The following KCNAB2 variants were observed in gnomAD, a reference collection of about 807,000 sequenced individuals.
KCNAB2 encodes the protein potassium voltage-gated channel subfamily A regulatory beta subunit 2, also known as voltage-gated potassium channel subunit beta-2.
In KCNAB2, 29 loss-of-function variants were observed where a neutral mutation model predicts 63.6. The observed-to-expected ratio is 0.46, with a 90% CI of 0.34 to 0.62. The LOEUF (loss-of-function observed/expected upper bound fraction) is 0.62, where lower values mean the gene tolerates loss of function less well. Ranked by LOEUF, KCNAB2 falls within the 20% of genes least tolerant of loss-of-function variation. The probability of loss-of-function intolerance (pLI) is 0.01; values close to 1 mark genes in which losing one functional copy is unlikely to be tolerated. For missense variants in KCNAB2, 359 were observed against 563.9 expected (o/e 0.64, Z 3.68); for synonymous variants, 222 against 224.2 (o/e 0.99, Z 0.09).
chr1:6,008,719 G>A (rs1282983045), intron 1 of KCNAB2, among the ~76,000 whole-genome samples: 1 of 152,102 alleles, frequency 6.6e-6, no homozygotes, highest in African/African-American at 2.4e-5. Context: ...ACAAGGCTGT[G>A]ATCAGGGAAG....
In KCNAB2 at chr1:6,100,223, G is replaced by A. The variant is rs1051684598; in HGVS notation, c.*1649G>A. The A allele has an allele frequency of 1.2e-6, 1 of 823,278 alleles. No homozygotes were observed. Among genetic ancestry groups the A allele is most frequent in the Non-Finnish European group, 1.7e-6 (1 of 574,228 alleles). The allele number at this position is 823,278 out of a possible 1,614,324, so 51.0% of individuals were successfully genotyped here. On this transcript the variant is annotated 3_prime_UTR_variant, in exon 16 of 16. Coordinates refer to ENST00000378083, the MANE Select transcript of KCNAB2 (RefSeq NM_001199862.2). ...CCAGCGGGGAGAGGCTGGGGCGAGGGGAGGAGGGGGATCAGCTTCTGCTAT... is the reference window on the plus strand; with the variant it reads ...CCAGCGGGGAGAGGCTGGGGCGAGGAGAGGAGGGGGATCAGCTTCTGCTAT...
chr1:6,027,294 C>T, intron 1 of KCNAB2: 2 of 144,742 alleles, frequency 1.4e-5, no homozygotes, highest in Non-Finnish European at 3.0e-5. Flanking sequence ...AGGGAGGAGG[C>T]CGGGGGCCTG....
At chr1:6,041,887 T>TTC, upstream of KCNAB2, 5 of 1,613,406 alleles carry the variant, frequency 3.1e-6, no homozygotes, top group Non-Finnish European at 3.4e-6. Flanking sequence ...TGAGTCTTCA[T>TTC]TCTCCCTAAA....
In KCNAB2 at chr1:6,097,300, C is replaced by T. The variant is rs369792039; in HGVS notation, c.1101C>T (p.Ser367=). 1.2e-5 allele frequency: 18 copies of T among 1,551,436 alleles called. No homozygotes were observed. The African/African-American group carries it at 1.5e-4, about 13-fold the overall frequency. Residue 367 remains serine (S), a synonymous_variant, in exon 15 of 16, where the codon TCC becomes TCT. Transcript: ENST00000378083. The stretch of plus-strand genomic sequence containing the variant: ...GCCTGAGGAATGAGGGAGTCAGCTC[C>T]GTGCTCCTGGGGGCCTCCAATGCGG... ...AWCLRNEGVS[S]VLLGASNADQ...
chr1:6,044,067 T>TA (rs879282083), upstream of KCNAB2, among the ~76,000 whole-genome samples: 2 of 152,302 alleles, frequency 1.3e-5, no homozygotes, highest in Non-Finnish European at 2.9e-5. Flanking sequence ...CAGGGTCTCT[T>TA]ACGGCCTATG....
chr1:6,049,707 T>C lies in KCNAB2; in HGVS notation c.-26-1804T>C, dbSNP rs151020479. ...GGGGCTCCTTGCCTGCTGGTCTCTC[T>C]TTAGCTCTTCTCTGAGCCCACCTTC... On this transcript the variant is annotated intron_variant, in intron 1 of 15. Transcript: ENST00000378083. Among the ~76,000 whole-genome samples, 1,096 of 152,354 alleles carry C rather than the reference T, an allele frequency of 7.2e-3. 9 individuals carry two copies. Among genetic ancestry groups the C allele is most frequent in the Middle Eastern group, 0.017 (5 of 294 alleles).
intron 2 of KCNAB2, among the ~76,000 whole-genome samples, chr1:6,040,828 G>A (rs1418998136): frequency 6.6e-6 from 1 of 152,252 alleles, no homozygotes; most frequent in African/African-American, 2.4e-5. Context: ...AAGGAGCAGG[G>A]GCTTTAAAAA....
intron 1 of KCNAB2, chr1:6,007,700 A>T (rs1657903103): frequency 6.6e-6 from 1 of 152,262 alleles, no homozygotes; most frequent in South Asian, 2.1e-4. Flanking sequence ...TTTACTGTGG[A>T]TGCTTGGAAA....
At chr1:6,065,257 A>G (rs1340073352) in intron 2 of KCNAB2, among the ~76,000 whole-genome samples, 1 of 152,246 alleles carries the variant, frequency 6.6e-6, no homozygotes, top group Non-Finnish European at 1.5e-5. Flanking sequence ...GCGCCTGCCC[A>G]GGCCTCAGGC....
Position 6,100,297 on chromosome 1 carries a change from C to T in KCNAB2, c.*1723C>T. 2.4e-6 allele frequency: 1 copy of T among 409,886 alleles called. No homozygotes were observed. Among genetic ancestry groups the T allele is most frequent in the Non-Finnish European group, 4.3e-6 (1 of 235,064 alleles). The allele number at this position is 409,886 out of a possible 1,614,324, so 25.4% of individuals were successfully genotyped here. A position where few individuals can be genotyped will look rare whatever the true frequency, so the allele number is the denominator to read the frequency against. On this transcript the variant is annotated 3_prime_UTR_variant, in exon 16 of 16. Coordinates refer to ENST00000378083, the MANE Select transcript of KCNAB2 (RefSeq NM_001199862.2). Reference sequence around the variant, plus strand: ...CCTGGCGCCTAGAACCCTTGCCCCTCCTCATAGACCAAGTCCCGGGGGTCT... The same window carrying T: ...CCTGGCGCCTAGAACCCTTGCCCCTTCTCATAGACCAAGTCCCGGGGGTCT...
chr1:6,100,673 GC>G lies in KCNAB2; in HGVS notation c.*2103del, dbSNP rs1233733988. ...GGTTTGCCAAACACAGAGAGGCCAG[GC>G]CCCAGTGTCAGGATGCAGTCAGCCT... On this transcript the variant is annotated 3_prime_UTR_variant, in exon 16 of 16. Transcript: ENST00000378083. 6.6e-6 allele frequency: 1 copy of G among 152,322 alleles called. No homozygotes were observed. The highest frequency in any genetic ancestry group is 2.4e-5 in the African/African-American group (1 of 41,462). 9.4% of individuals were successfully genotyped at this position (152,322 alleles called of 1,614,324 possible).
Position 6,024,392 on chromosome 1 carries a change from C to T in KCNAB2, c.-52-16125C>T, listed in dbSNP as rs951246281. On this transcript the variant is annotated intron_variant, in intron 1 of 16. Transcript: ENST00000341524. The surrounding 1 kb of genome is among the most constrained non-coding windows in gnomAD (Gnocchi z 5.4). ...AGCCACCGCACCCAGCCAGTAGTGT[C>T]TTTTAAATGAAGTATCTCTAATTTT... is the stretch of plus-strand genomic sequence containing the variant. 3.9e-5 allele frequency among the ~76,000 whole-genome samples: 6 copies of T among 152,158 alleles called. No individual in the cohort carries two copies. Among genetic ancestry groups the T allele is most frequent in the Non-Finnish European group, 1.5e-5 (1 of 68,036 alleles).
At chr1:6,047,594 G>A (rs1661035678) in intron 1 of KCNAB2, among the ~76,000 whole-genome samples, 1 of 152,164 alleles carries the variant, frequency 6.6e-6, no homozygotes, top group African/African-American at 2.4e-5. Flanking sequence ...CCCACCAACA[G>A]CTGCCTGGCA....
intron 2 of KCNAB2, among the ~76,000 whole-genome samples, chr1:6,056,572 G>A (rs1661847109): frequency 6.6e-6 from 1 of 152,146 alleles, no homozygotes; most frequent in African/African-American, 2.4e-5. Context: ...CTGGACACCA[G>A]CCCTCAGTTC....
intron 5 of KCNAB2, among the ~76,000 whole-genome samples, chr1:6,082,499 G>A (rs1475769802): frequency 6.6e-6 from 1 of 152,140 alleles, no homozygotes; most frequent in African/African-American, 2.4e-5. Context: ...GGAGCCACCA[G>A]GGGGACCACA....
At chr1:6,032,733 C>A (rs113263910), upstream of KCNAB2, among the ~76,000 whole-genome samples, 3 of 152,318 alleles carry the variant, frequency 2.0e-5, no homozygotes, top group African/African-American at 7.2e-5. Context: ...CCTCGATGGG[C>A]AAACTTGCTT....
Position 6,099,910 on chromosome 1 carries a change from T to G in KCNAB2, c.*1336T>G, listed in dbSNP as rs959776906. ...CAAGGGATGCCAGTAAGTCTGCAGG[T>G]GCGGGGTGCCACCTACAGGCCCAGG... On this transcript the variant is annotated 3_prime_UTR_variant, in exon 16 of 16. Coordinates refer to ENST00000378083, the MANE Select transcript of KCNAB2 (RefSeq NM_001199862.2). 12 of 1,550,216 alleles carry G rather than the reference T, an allele frequency of 7.7e-6. No homozygotes were observed. Among genetic ancestry groups the G allele is most frequent in the Non-Finnish European group, 1.0e-5 (12 of 1,146,882 alleles).
At chr1:6,097,423 C>T (rs1665740439) in intron 15 of KCNAB2, 66 bp downstream of exon 15, 5 of 1,547,044 alleles carry the variant, frequency 3.2e-6, no homozygotes, top group Non-Finnish European at 4.4e-6. Flanking sequence ...AGTGCATCCT[C>T]CCAGGCTCGT....
chr1:6,067,559 G>T (rs1662859915), intron 2 of KCNAB2, among the ~76,000 whole-genome samples: 1 of 152,134 alleles, frequency 6.6e-6, no homozygotes, highest in Non-Finnish European at 1.5e-5. Flanking sequence ...GATGACTCTG[G>T]GGGTCCTGCA....
Sources: gnomAD v4.1 joint callset for allele counts (sites outside exome capture counted in the v4.1 genomes callset) on GRCh38, gnomAD v4.1.1 for gene constraint, Gnocchi (gnomAD v3.1) non-coding constraint, MANE v1.5 for transcripts, NCBI Gene and HGNC (gene_info 2026-07-23, HGNC 2026-07-21) for gene names.